NRG3: variants seen among roughly 807,000 people sequenced by gnomAD.
NRG3 encodes pro-neuregulin-3, membrane-bound isoform.
NRG3 carries 31 observed loss-of-function variants against 66.9 expected under a neutral mutation model. That is an observed-to-expected ratio of 0.46 (90% CI 0.35 to 0.63). The LOEUF (loss-of-function observed/expected upper bound fraction) is 0.63. Among genes scored for constraint, NRG3 ranks in the 20% least tolerant of loss-of-function variants. NRG3 has a pLI of 0.00. For missense variants in NRG3, 910 were observed against 878.9 expected, an observed-to-expected ratio of 1.04 and a Z score of -0.45; for synonymous variants, 393 against 359.4, an observed-to-expected ratio of 1.09 and a Z score of -1.06.
intron 1 of NRG3, among the ~76,000 whole-genome samples, chr10:82,170,654 G>GTATATATATATATA (rs370773918): frequency 8.1e-5 from 6 of 74,192 alleles, no homozygotes; most frequent in Non-Finnish European, 1.5e-4. Flanking sequence ...AAAACTTGTG[G>GTATATATATATATA]TATATATATA....
At chr10:82,250,798 A>G (rs536331553) in intron 1 of NRG3, among the ~76,000 whole-genome samples, 5 of 152,252 alleles carry the variant, frequency 3.3e-5, no homozygotes, top group African/African-American at 1.2e-4. Flanking sequence ...GCAGATCACA[A>G]CTACATAGCT....
At position 82,984,874 on chromosome 10, in the gene NRG3, A is replaced by T. The variant is rs1248264978; in HGVS notation, c.1584-224A>T. 4 of 1,418,636 alleles carry T rather than the reference A, an allele frequency of 2.8e-6. No individual in the cohort carries two copies. The East Asian group carries it at 9.6e-5, about 34-fold the overall frequency. 87.9% of individuals were successfully genotyped at this position (1,418,636 alleles called of 1,614,324 possible). ...CTTAAAGTAAGAAGATCTGGGTTTG[A>T]GTCTCAGTCTGTCACTTATTTTCTG... On this transcript the variant is annotated intron_variant, in intron 8 of 8. Coordinates refer to ENST00000372141, the MANE Select transcript of NRG3 (RefSeq NM_001010848.4).
chr10:82,567,428 A>C (rs1191685553), intron 2 of NRG3, among the ~76,000 whole-genome samples: 1 of 151,980 alleles, frequency 6.6e-6, no homozygotes, highest in East Asian at 1.9e-4. Context: ...CACACTACCC[A>C]CAGTTAAAAT....
At chr10:82,507,031 G>A (rs755956743) in intron 2 of NRG3, among the ~76,000 whole-genome samples, 1 of 152,194 alleles carries the variant, frequency 6.6e-6, no homozygotes, top group Non-Finnish European at 1.5e-5. Flanking sequence ...ATGTCAAAAT[G>A]TAATCGTGAG....
At chr10:82,335,317 A>G (rs2082335134) in intron 1 of NRG3, among the ~76,000 whole-genome samples, 1 of 152,214 alleles carries the variant, frequency 6.6e-6, no homozygotes, top group Non-Finnish European at 1.5e-5. Flanking sequence ...CAGCAGAATG[A>G]GTCCTTTATT....
chr10:82,929,576 T>C (rs568063489), intron 4 of NRG3, among the ~76,000 whole-genome samples: 3 of 152,292 alleles, frequency 2.0e-5, no homozygotes, highest in African/African-American at 4.8e-5. Context: ...CTTGTTCACT[T>C]GATCAGTGTA....
chr10:82,114,039 G>T (rs2067547016), intron 1 of NRG3, among the ~76,000 whole-genome samples: 4 of 152,086 alleles, frequency 2.6e-5, no homozygotes, highest in African/African-American at 9.7e-5. Flanking sequence ...CTGTCTATCA[G>T]TCTCCCTGCT....
intron 3 of NRG3, among the ~76,000 whole-genome samples, chr10:82,763,380 T>C (rs561928374): frequency 1.3e-5 from 2 of 152,252 alleles, no homozygotes; most frequent in Admixed American, 6.5e-5. Context: ...ATTTGAAAAG[T>C]ACTTTCCTCA....
At chr10:82,132,827 T>A (rs1002452307) in intron 1 of NRG3, among the ~76,000 whole-genome samples, 5 of 151,718 alleles carry the variant, frequency 3.3e-5, no homozygotes, top group African/African-American at 1.2e-4. Context: ...TAGGAATTTA[T>A]CCTTTTCTTG....
intron 2 of NRG3, among the ~76,000 whole-genome samples, chr10:82,456,836 G>C (rs2091290083): frequency 6.6e-6 from 1 of 152,166 alleles, no homozygotes; most frequent in African/African-American, 2.4e-5. Context: ...CCTGCCCCAG[G>C]TCTGGCCATG....
chr10:82,663,444 C>A (rs1224968504), intron 2 of NRG3, among the ~76,000 whole-genome samples: 1 of 152,134 alleles, frequency 6.6e-6, no homozygotes, highest in Non-Finnish European at 1.5e-5. Flanking sequence ...AGAGCTATAA[C>A]CTATCTGGGT....
At chr10:82,930,730 A>G (rs1269446345) in intron 4 of NRG3, among the ~76,000 whole-genome samples, 4 of 152,196 alleles carry the variant, frequency 2.6e-5, no homozygotes, top group Non-Finnish European at 5.9e-5. Flanking sequence ...GTGAAGATAA[A>G]AAATGAGTGG....
At chr10:82,661,620 T>A (rs1351814322) in intron 2 of NRG3, among the ~76,000 whole-genome samples, 1 of 152,212 alleles carries the variant, frequency 6.6e-6, no homozygotes, top group Non-Finnish European at 1.5e-5. Flanking sequence ...TATGCGTGTG[T>A]GCGTGTGCAC....
chr10:82,758,179 T>C (rs912550184), intron 3 of NRG3, among the ~76,000 whole-genome samples: 1 of 152,122 alleles, frequency 6.6e-6, no homozygotes, highest in African/African-American at 2.4e-5. Context: ...TTGACCTTTA[T>C]GCTCCAGTAA....
intron 3 of NRG3, among the ~76,000 whole-genome samples, chr10:82,748,218 C>A (rs2058720472): frequency 6.6e-6 from 1 of 151,544 alleles, no homozygotes; most frequent in South Asian, 2.1e-4. Context: ...TATGATTCAA[C>A]CATATATTGA....
At chr10:82,458,908 A>G (rs17100097) in intron 2 of NRG3, among the ~76,000 whole-genome samples, 47,638 of 152,088 alleles carry the variant, frequency 0.31, 8,082 homozygotes, top group African/African-American at 0.44. Flanking sequence ...ATTCATGCTC[A>G]GAATTTTCAG....
At chr10:82,571,800 T>C (rs913337929) in intron 2 of NRG3, among the ~76,000 whole-genome samples, 17 of 151,646 alleles carry the variant, frequency 1.1e-4, no homozygotes, top group Admixed American at 3.3e-4. Context: ...AAGCCCATGG[T>C]GAATAACTAG....
intron 2 of NRG3, among the ~76,000 whole-genome samples, chr10:82,458,390 G>A (rs2091366495): frequency 1.3e-5 from 2 of 152,134 alleles, no homozygotes; most frequent in Admixed American, 1.3e-4. Context: ...GACATTTTCA[G>A]AGGTGCCAGG....
chr10:82,983,655 C>T (rs1770739325), intron 8 of NRG3, among the ~76,000 whole-genome samples: 1 of 152,238 alleles, frequency 6.6e-6, no homozygotes, highest in Admixed American at 6.5e-5. Flanking sequence ...AATAAATAAA[C>T]TACAAGGTTT....
Sources: allele counts gnomAD v4.1 joint callset (sites outside exome capture counted in the v4.1 genomes callset), GRCh38; gene constraint gnomAD v4.1.1; transcripts MANE v1.5; gene names NCBI Gene and HGNC (gene_info 2026-07-23, HGNC 2026-07-21).